SORCS2: variants seen among roughly 807,000 people sequenced by gnomAD.
SORCS2 encodes sortilin related VPS10 domain containing receptor 2.
SORCS2 carries 100 observed loss-of-function variants against 141.6 expected under a neutral mutation model. The observed-to-expected ratio is 0.71, with a 90% confidence interval of 0.60 to 0.83. The LOEUF (loss-of-function observed/expected upper bound fraction) is 0.83, where lower values mean the gene tolerates loss of function less well. Among genes scored for constraint, SORCS2 ranks in the 40% least tolerant of loss-of-function variants. The probability of loss-of-function intolerance (pLI) is 0.00; values close to 1 mark genes in which losing one functional copy is unlikely to be tolerated. For synonymous variants in SORCS2, 789 were observed against 676.9 expected (o/e 1.17, Z -2.57); for missense variants, 1,646 against 1,560.2 (o/e 1.05, Z -0.93).
chr4:7,724,979 G>A (rs1480990361), intron 19 of SORCS2, among the ~76,000 whole-genome samples, 175 bp from the exon 20 acceptor site: 32 of 137,380 alleles, frequency 2.3e-4, no homozygotes, highest in African/African-American at 8.2e-4. Context: ...TAGTGTTGGT[G>A]GGAATGGATG....
At chr4:7,532,854 G>C (rs567987869) in intron 3 of SORCS2, among the ~76,000 whole-genome samples, 4 of 152,226 alleles carry the variant, frequency 2.6e-5, no homozygotes, top group Admixed American at 6.5e-5. Flanking sequence ...GATTTCTGCT[G>C]TAGGAGCTTC....
chr4:7,657,927 T>G (rs530740734), intron 5 of SORCS2, among the ~76,000 whole-genome samples: 1 of 150,590 alleles, frequency 6.6e-6, no homozygotes, highest in African/African-American at 2.5e-5. Flanking sequence ...GTTGAGTGAG[T>G]GAATAAGTGA....
At chr4:7,466,538 G>T (rs1317870160) in intron 2 of SORCS2, among the ~76,000 whole-genome samples, 1 of 152,174 alleles carries the variant, frequency 6.6e-6, no homozygotes, top group Admixed American at 6.5e-5. Flanking sequence ...ACACTCACCT[G>T]GCCTCACGTC....
At chr4:7,438,512 T>A (rs11724746) in intron 2 of SORCS2, among the ~76,000 whole-genome samples, 1 of 151,994 alleles carries the variant, frequency 6.6e-6, no homozygotes, top group African/African-American at 2.4e-5. Context: ...ATGCATTTAT[T>A]TGCGCACCTG....
intron 2 of SORCS2, chr4:7,432,375 G>A (rs1369026981): frequency 1.3e-5 from 2 of 152,092 alleles, no homozygotes; most frequent in East Asian, 1.9e-4. Context: ...CGGTCTCGGG[G>A]GAAAGGGGCT....
intron 10 of SORCS2, among the ~76,000 whole-genome samples, chr4:7,686,984 T>G (rs1201491551): frequency 6.6e-6 from 1 of 152,194 alleles, no homozygotes; most frequent in African/African-American, 2.4e-5. Flanking sequence ...GCAACCAGAA[T>G]AGGCCACTAG....
chr4:7,711,790 G>T (rs1037920752), intron 14 of SORCS2, among the ~76,000 whole-genome samples: 1 of 152,212 alleles, frequency 6.6e-6, no homozygotes, highest in East Asian at 1.9e-4. Flanking sequence ...TAAAACGGGC[G>T]GACCCGGCCT....
chr4:7,478,831 C>T (rs967960308), intron 2 of SORCS2, among the ~76,000 whole-genome samples: 27 of 152,192 alleles, frequency 1.8e-4, no homozygotes, highest in African/African-American at 6.5e-4. Context: ...CAGGGGAGAC[C>T]TCTCACACAG....
chr4:7,412,183 G>T (rs1395782651), intron 2 of SORCS2, among the ~76,000 whole-genome samples: 1 of 152,172 alleles, frequency 6.6e-6, no homozygotes, highest in Non-Finnish European at 1.5e-5. Context: ...GGCCCATCGG[G>T]GCTCACCCTG....
intron 10 of SORCS2, among the ~76,000 whole-genome samples, chr4:7,685,586 G>A (rs769187021): frequency 2.7e-4 from 41 of 152,286 alleles, no homozygotes; most frequent in Middle Eastern, 3.4e-3. Context: ...CAGGAGAATC[G>A]CTTGAACCTG....
intron 9 of SORCS2, among the ~76,000 whole-genome samples, chr4:7,677,522 G>A (rs1317141070): frequency 6.6e-6 from 1 of 152,180 alleles, no homozygotes; most frequent in African/African-American, 2.4e-5. Flanking sequence ...CCTCTCAGTT[G>A]TTCACCTCCA....
chr4:7,195,342 G>A (rs1361943578), intron 1 of SORCS2, among the ~76,000 whole-genome samples: 2 of 152,204 alleles, frequency 1.3e-5, no homozygotes, highest in African/African-American at 2.4e-5. Context: ...GTGGCACACC[G>A]GGCATAGCCT....
intron 1 of SORCS2, among the ~76,000 whole-genome samples, chr4:7,298,134 G>C (rs1277761998): frequency 6.6e-6 from 1 of 152,228 alleles, no homozygotes; most frequent in Non-Finnish European, 1.5e-5. Flanking sequence ...GCTGGGGACA[G>C]AGGGGAACAG....
At chr4:7,236,043 A>C (rs1712245216) in intron 1 of SORCS2, among the ~76,000 whole-genome samples, 1 of 152,202 alleles carries the variant, frequency 6.6e-6, no homozygotes, top group Admixed American at 6.5e-5. Flanking sequence ...TCTAGTGGGG[A>C]GGAGGCATGT....
intron 1 of SORCS2, among the ~76,000 whole-genome samples, chr4:7,361,096 C>T (rs1442823696): frequency 3.3e-5 from 5 of 152,192 alleles, no homozygotes; most frequent in Non-Finnish European, 7.3e-5. Context: ...GCCCGGCAGC[C>T]TCCTCCTCCA....
At chr4:7,604,077 C>G (rs1717906909) in intron 3 of SORCS2, among the ~76,000 whole-genome samples, 1 of 151,902 alleles carries the variant, frequency 6.6e-6, no homozygotes, top group South Asian at 2.1e-4. Context: ...GTGTGAGGCT[C>G]TGGTGTGTGT....
chr4:7,629,358 G>A (rs908125153), intron 3 of SORCS2, among the ~76,000 whole-genome samples: 1 of 152,260 alleles, frequency 6.6e-6, no homozygotes, highest in East Asian at 1.9e-4. Context: ...CTGAGGCTGG[G>A]GTGGCCAGAG....
At chr4:7,405,849 C>T (rs1265355667) in intron 2 of SORCS2, among the ~76,000 whole-genome samples, 1 of 152,070 alleles carries the variant, frequency 6.6e-6, no homozygotes, top group Non-Finnish European at 1.5e-5. Context: ...TGGCTGATTG[C>T]TGTGGCCAAG....
chr4:7,346,136 G>C (rs114553756), intron 1 of SORCS2, among the ~76,000 whole-genome samples: 1,556 of 152,156 alleles, frequency 0.01, 20 homozygotes, highest in African/African-American at 0.034. Context: ...TCTTGAGGTG[G>C]AGCTTAGATA....
Sources: allele counts gnomAD v4.1 joint callset (sites outside exome capture counted in the v4.1 genomes callset), GRCh38; gene constraint gnomAD v4.1.1; transcripts MANE v1.5; gene names NCBI Gene and HGNC (gene_info 2026-07-23, HGNC 2026-07-21).